Variants in FOXJ3 observed in about 807,000 individuals in gnomAD.
The protein encoded by FOXJ3 is forkhead box J3, also known as forkhead box protein J3.
FOXJ3 carries 22 observed loss-of-function variants against 76.1 expected under a neutral mutation model. The ratio of observed to expected loss-of-function variants is 0.29; its 90% confidence interval spans 0.21 to 0.41. The LOEUF is 0.41. FOXJ3 is among the 10% of genes least tolerant of loss of function. The probability of loss-of-function intolerance (pLI) is 1.00; values close to 1 mark genes in which losing one functional copy is unlikely to be tolerated. For missense variants in FOXJ3, 613 were observed against 762.1 expected, an observed-to-expected ratio of 0.80 and a Z score of 2.30; for synonymous variants, 269 against 261.2, an observed-to-expected ratio of 1.03 and a Z score of -0.29.
chr1:42,326,401 T>C (rs1655832515), intron 1 of FOXJ3, among the ~76,000 whole-genome samples: 6 of 152,192 alleles, frequency 3.9e-5, no homozygotes, highest in Admixed American at 3.9e-4. Flanking sequence ...AAATTTAAAT[T>C]ACCCATTATG....
chr1:42,273,483 G>A (rs1456604619), intron 3 of FOXJ3, among the ~76,000 whole-genome samples: 2 of 151,940 alleles, frequency 1.3e-5, no homozygotes, highest in South Asian at 4.2e-4. Context: ...GAACCAGCCT[G>A]GCCAACATGG....
At chr1:42,230,914 TACTC>T (rs1417633618) in intron 4 of FOXJ3, among the ~76,000 whole-genome samples, 2 of 152,164 alleles carry the variant, frequency 1.3e-5, no homozygotes, top group Admixed American at 6.5e-5. Flanking sequence ...ATAGTAATAT[TACTC>T]ACAACAGCCA....
intron 4 of FOXJ3, among the ~76,000 whole-genome samples, chr1:42,237,405 CATATATATATAT>C (rs60560055): frequency 7.1e-6 from 1 of 140,772 alleles, no homozygotes; most frequent in Non-Finnish European, 1.5e-5. Context: ...TACATACATA[CATATATATATAT>C]ATATATATAT....
chr1:42,321,708 A>G (rs1280011158), intron 1 of FOXJ3, among the ~76,000 whole-genome samples: 1 of 152,216 alleles, frequency 6.6e-6, no homozygotes, highest in African/African-American at 2.4e-5. Context: ...AAAGTAAATA[A>G]AAAGATTTTT....
chr1:42,332,820 TAC>T (rs1656240686), intron 1 of FOXJ3, among the ~76,000 whole-genome samples: 2 of 152,308 alleles, frequency 1.3e-5, no homozygotes, highest in East Asian at 3.9e-4. Flanking sequence ...TCTCCTGAAA[TAC>T]ACCTCTTTCC....
At position 42,215,704 on chromosome 1, in the gene FOXJ3, G is replaced by GA. The variant is rs150645902; in HGVS notation, c.529-9842dup. Among the ~76,000 whole-genome samples the GA allele has an allele frequency of 5.1e-3, 781 of 152,268 alleles. 10 individuals are homozygous for GA. The highest frequency in any genetic ancestry group is 0.018 in the African/African-American group (756 of 41,550). ...AAAATAAAGATAGAAAAAAGCTAGA[G>GA]AAAAACTACATATCACATGCAGGTA... On this transcript the variant is annotated intron_variant, in intron 5 of 12. Transcript: ENST00000361346.
At chr1:42,323,379 T>C (rs537676980) in intron 1 of FOXJ3, among the ~76,000 whole-genome samples, 8 of 152,290 alleles carry the variant, frequency 5.3e-5, no homozygotes, top group Middle Eastern at 6.8e-3. Context: ...GCACCAATTA[T>C]TAGCCAACCA....
chr1:42,240,942 C>A lies in FOXJ3; in HGVS notation c.445-12976G>T, dbSNP rs535703506. On this transcript the variant is annotated intron_variant, in intron 4 of 12. Coordinates refer to ENST00000361346, the MANE Select transcript of FOXJ3 (RefSeq NM_014947.5). Reference sequence around the variant, plus strand: ...TACTTGGCACCTGCACTTAGAAAAACCAAATAGCAAGCAGATAATCACATT... The same window carrying A: ...TACTTGGCACCTGCACTTAGAAAAAACAAATAGCAAGCAGATAATCACATT... Among the ~76,000 whole-genome samples the A allele has an allele frequency of 2.0e-5, 3 of 152,262 alleles. No individual in the cohort carries two copies. In the South Asian group the frequency reaches 6.2e-4, roughly 32 times the overall value.
At chr1:42,324,101 TGTGTATATACACTGTATATACACA>T (rs1557725880) in intron 1 of FOXJ3, among the ~76,000 whole-genome samples, 3 of 22,734 alleles carry the variant, frequency 1.3e-4, no homozygotes, top group Non-Finnish European at 1.6e-4. Flanking sequence ...GTATATATAC[TGTGTATATACACTGTATATACACA>T]GTGTATATAC....
At chr1:42,216,055 G>C (rs144095446) in intron 5 of FOXJ3, among the ~76,000 whole-genome samples, 1 of 152,054 alleles carries the variant, frequency 6.6e-6, no homozygotes, top group African/African-American at 2.4e-5. Flanking sequence ...TTTTAAAAAT[G>C]AAGGCAAAAT....
intron 5 of FOXJ3, among the ~76,000 whole-genome samples, chr1:42,211,023 T>A (rs1004313050): frequency 1.3e-5 from 2 of 152,080 alleles, no homozygotes; most frequent in Non-Finnish European, 2.9e-5. Context: ...ACTTTCCACT[T>A]GTGGGGGAGT....
Position 42,278,336 on chromosome 1 carries a change from T to A in FOXJ3, c.369+12A>T. ...TACTTCATAAAAGTAATAATTTAAA[T>A]AAAATCCTTACCTTCCAACCACTGC... On this transcript the variant is annotated intron_variant, in intron 3 of 12. Transcript: ENST00000361346. The A allele has an allele frequency of 6.4e-7, 1 of 1,552,512 alleles. No homozygotes were observed. The highest frequency in any genetic ancestry group is 8.8e-7 in the Non-Finnish European group (1 of 1,132,142).
chr1:42,284,900 C>T (rs535324309), intron 2 of FOXJ3, among the ~76,000 whole-genome samples: 1 of 152,106 alleles, frequency 6.6e-6, no homozygotes, highest in Non-Finnish European at 1.5e-5. Context: ...ACAAATATAA[C>T]CAATGAGAAA....
chr1:42,223,640 T>G (rs1413266947), intron 5 of FOXJ3, among the ~76,000 whole-genome samples: 2 of 152,250 alleles, frequency 1.3e-5, no homozygotes, highest in African/African-American at 4.8e-5. Flanking sequence ...GACAGCATTA[T>G]GTATTCTGAA....
At chr1:42,331,985 A>G (rs1340363849) in intron 1 of FOXJ3, among the ~76,000 whole-genome samples, 1 of 152,172 alleles carries the variant, frequency 6.6e-6, no homozygotes, top group Non-Finnish European at 1.5e-5. Context: ...CAAATCTGGC[A>G]TCTATTCTTA....
intron 4 of FOXJ3, among the ~76,000 whole-genome samples, chr1:42,259,071 A>C (rs956097237): frequency 2.6e-5 from 4 of 152,252 alleles, no homozygotes; most frequent in African/African-American, 9.6e-5. Context: ...CAATGAAATG[A>C]AACAAAACTG....
At chr1:42,216,478 A>C (rs1647070616) in intron 5 of FOXJ3, among the ~76,000 whole-genome samples, 1 of 151,538 alleles carries the variant, frequency 6.6e-6, no homozygotes, top group African/African-American at 2.4e-5. Context: ...AGATCGCGCC[A>C]CTGCACTCCA....
chr1:42,203,385 G>A (rs547364254), intron 6 of FOXJ3, among the ~76,000 whole-genome samples: 1 of 152,254 alleles, frequency 6.6e-6, no homozygotes, highest in East Asian at 1.9e-4. Context: ...CAGAAGCTCT[G>A]GATGATGTTA....
At chr1:42,205,736 A>C (rs1416193514) in intron 6 of FOXJ3, 26 bp downstream of exon 6, 1 of 1,254,668 alleles carries the variant, frequency 8.0e-7, no homozygotes, top group East Asian at 2.3e-5. Flanking sequence ...ATGACATTTC[A>C]ATAATGTTTA....
Sources: allele counts gnomAD v4.1 joint callset (sites outside exome capture counted in the v4.1 genomes callset), GRCh38; gene constraint gnomAD v4.1.1; transcripts MANE v1.5; gene names NCBI Gene and HGNC (gene_info 2026-07-23, HGNC 2026-07-21).